BLMH: variants seen among roughly 807,000 people sequenced by gnomAD.
BLMH encodes the protein BLM hydrolase.
In BLMH, 32 loss-of-function variants were observed where a neutral mutation model predicts 61.6. That is an observed-to-expected ratio of 0.52 (90% CI 0.39 to 0.70). The LOEUF is 0.70. Ranked by LOEUF, BLMH falls within the 30% of genes least tolerant of loss-of-function variation. BLMH has a pLI of 0.00. For missense variants in BLMH, 460 were observed against 555.5 expected (o/e 0.83, Z 1.73); for synonymous variants, 183 against 193.8 (o/e 0.94, Z 0.46).
chr17:30,291,382 T>C lies in BLMH; in HGVS notation c.140A>G (p.Gln47Arg). 1 of 1,613,826 alleles carries C rather than the reference T, an allele frequency of 6.2e-7. No individual in the cohort carries two copies. Residue 47 changes from glutamine to arginine, a missense_variant, in exon 2 of 12, where the codon CAG (glutamine) becomes CGG (arginine). Physicochemically the swap from Gln to Arg is conservative, Grantham distance 43. Transcript: ENST00000261714. ...GTGCTGGAACACATGCTGCGCGCGC[T>C]GCACCGTGGCCCGCTTCAGACAGAT... The part of the protein sequence containing the change: ...LDICLKRATV[Q>R]RAQHVFQHAV...
chr17:30,263,505 A>G (rs1398067904), intron 11 of BLMH, among the ~76,000 whole-genome samples: 1 of 152,228 alleles, frequency 6.6e-6, no homozygotes, highest in Non-Finnish European at 1.5e-5. Flanking sequence ...GAGAAAAGAA[A>G]CCCAGGTTGG....
chr17:30,270,477 G>A (rs1162134462), intron 10 of BLMH, among the ~76,000 whole-genome samples: 2 of 149,786 alleles, frequency 1.3e-5, no homozygotes, highest in East Asian at 3.9e-4. Context: ...ACTCCTGCCT[G>A]GATGACAGAG....
At position 30,274,092 on chromosome 17, in the gene BLMH, AG is replaced by A; in HGVS notation, c.750del (p.Leu251TrpfsTer20). On this transcript the variant is annotated frameshift_variant, in exon 7 of 12. Coordinates refer to ENST00000261714, the MANE Select transcript of BLMH (RefSeq NM_000386.4). LOFTEE classifies it high-confidence loss of function. ...KNYQKIGPIT[P>X]LEFYREHVKP... Reference sequence around the variant, plus strand: ...TTGACATGTTCCCTGTAAAACTCCAAGGGTGTTATGGGGCCAATTTTCTGAT... The same window carrying A: ...TTGACATGTTCCCTGTAAAACTCCAAGGTGTTATGGGGCCAATTTTCTGAT... 1 of 1,614,138 alleles carries A rather than the reference AG, an allele frequency of 6.2e-7. No individual in the cohort carries two copies. Among genetic ancestry groups the A allele is most frequent in the Non-Finnish European group, 8.5e-7 (1 of 1,180,014 alleles).
Position 30,288,336 on chromosome 17 carries a change from A to C in BLMH, c.322-389T>G, listed in dbSNP as rs559742428. The stretch of plus-strand genomic sequence containing the variant: ...CAATGCTAAAACAAAACATTTAATG[A>C]ACACCTATGTAATATATATTTTATT... On this transcript the variant is annotated intron_variant, in intron 3 of 11. Coordinates refer to ENST00000261714, the MANE Select transcript of BLMH (RefSeq NM_000386.4). 6.6e-5 allele frequency among the ~76,000 whole-genome samples: 10 copies of C among 152,288 alleles called. No homozygotes were observed. In the South Asian group the frequency reaches 1.4e-3, roughly 22 times the overall value.
In BLMH at chr17:30,249,182, C is replaced by T. The variant is rs1174524889; in HGVS notation, c.1217-14G>A. 6.2e-7 allele frequency: 1 copy of T among 1,613,904 alleles called. No individual in the cohort carries two copies. The highest frequency in any genetic ancestry group is 1.1e-5 in the South Asian group (1 of 91,060). On this transcript the variant is annotated splice_polypyrimidine_tract_variant and intron_variant, in intron 11 of 11. Coordinates refer to ENST00000261714, the MANE Select transcript of BLMH (RefSeq NM_000386.4). Reference sequence around the variant, plus strand: ...TGCACAGGTAACCTGGAGAAAAGAACAGAAGACTTATGAGTCCAGAGGGCA... The same window carrying T: ...TGCACAGGTAACCTGGAGAAAAGAATAGAAGACTTATGAGTCCAGAGGGCA...
chr17:30,250,812 A>C (rs1907648993), intron 11 of BLMH, among the ~76,000 whole-genome samples: 1 of 152,250 alleles, frequency 6.6e-6, no homozygotes, highest in Non-Finnish European at 1.5e-5. Context: ...ATTCACAACT[A>C]CAAAAACATG....
rs1225224320 is a variant in BLMH at position 30,285,441 on chromosome 17, T to C, written c.592A>G (p.Ser198Gly). The C allele has an allele frequency of 6.2e-7, 1 of 1,613,174 alleles. No homozygotes were observed. Among genetic ancestry groups the C allele is most frequent in the South Asian group, 1.1e-5 (1 of 90,822 alleles). Residue 198 changes from serine (S) to glycine (G), a missense_variant, in exon 6 of 12, where the codon AGT becomes GGT. Physicochemically the swap from Ser to Gly is moderately conservative, Grantham distance 56 (BLOSUM62 0). Transcript: ENST00000261714. ...FCIRLRNLVH[S>G]GATKGEISAT... is the part of the protein sequence containing the mutation. ...GAGATTTCTCCTTTGGTTGCTCCAC[T>C]GTGTACCAGGTTCCGCAGTCGTATA... is the stretch of plus-strand genomic sequence containing the variant.
intron 11 of BLMH, chr17:30,250,281 A>T (rs1467729399): frequency 5.9e-5 from 9 of 152,252 alleles, no homozygotes; most frequent in African/African-American, 2.2e-4. Context: ...ATAGCAGTGT[A>T]AACAGACAAC....
intron 9 of BLMH, among the ~76,000 whole-genome samples, chr17:30,271,684 A>G (rs1908275005): frequency 6.6e-6 from 1 of 152,232 alleles, no homozygotes; most frequent in Non-Finnish European, 1.5e-5. Context: ...AACTTTAAAA[A>G]ATAATGAAAA....
intron 6 of BLMH, among the ~76,000 whole-genome samples, chr17:30,277,064 C>T (rs1159447581): frequency 1.3e-5 from 2 of 152,214 alleles, no homozygotes; most frequent in East Asian, 3.8e-4. Flanking sequence ...TCTATCTTAA[C>T]AGAAGCAAGT....
Position 30,272,620 on chromosome 17 carries a change from CCA to C in BLMH, c.967_968del (p.Trp323ValfsTer4). 1 of 1,614,146 alleles carries C rather than the reference CCA, an allele frequency of 6.2e-7. No homozygotes were observed. Among genetic ancestry groups the C allele is most frequent in the Non-Finnish European group, 8.5e-7 (1 of 1,180,034 alleles). On this transcript the variant is annotated frameshift_variant, in exon 9 of 12. Transcript: ENST00000261714. LOFTEE classifies it high-confidence loss of function. ...AGTGTTTTCCAACATCACAGCCAAA[CCA>C]CACAGCCTAGAAACAGAAGAAAGAG... is the stretch of plus-strand genomic sequence containing the variant. ...AASIKDGEAV[W>X]FGCDVGKHFN...
chr17:30,257,673 A>G (rs142827714), intron 11 of BLMH, among the ~76,000 whole-genome samples: 5 of 152,356 alleles, frequency 3.3e-5, no homozygotes, highest in South Asian at 2.1e-4. Context: ...AGGAGCTTAC[A>G]CTTCACAATG....
At chr17:30,269,868 A>C (rs1365744231) in intron 10 of BLMH, among the ~76,000 whole-genome samples, 1 of 152,242 alleles carries the variant, frequency 6.6e-6, no homozygotes, top group Non-Finnish European at 1.5e-5. Flanking sequence ...AAAACTGAGA[A>C]TACCTCAGAG....
At chr17:30,252,164 C>G (rs1024484628) in intron 11 of BLMH, 1 of 152,068 alleles carries the variant, frequency 6.6e-6, no homozygotes, top group African/African-American at 2.4e-5. Context: ...CTGAAAGGGC[C>G]CTAGGGAACC....
At position 30,272,803 on chromosome 17, in the gene BLMH, A is replaced by T; in HGVS notation, c.898T>A (p.Tyr300Asn). The change falls in exon 8 of 12, where the codon TAC becomes AAC. Residue 300 changes from tyrosine (Y) to asparagine (N), a missense_variant. This residue lies in a region of BLMH where 310 missense variants were observed against 371.1 expected (regional missense o/e 0.84). Coordinates refer to ENST00000261714, the MANE Select transcript of BLMH (RefSeq NM_000386.4). ...SNMVGGRKTL[Y>N]NNQPIDFLKK... Reference sequence around the variant, plus strand: ...AGGAAGTCAATGGGCTGGTTGTTGTATAGAGTTTTTCTCCCTCCAACCATA... The same window carrying T: ...AGGAAGTCAATGGGCTGGTTGTTGTTTAGAGTTTTTCTCCCTCCAACCATA... 1 of 1,614,204 alleles carries T rather than the reference A, an allele frequency of 6.2e-7. No individual in the cohort carries two copies. The highest frequency in any genetic ancestry group is 8.5e-7 in the Non-Finnish European group (1 of 1,180,038).
In BLMH at chr17:30,291,549, G is replaced by A. The variant is rs922906421; in HGVS notation, c.14-41C>T. On this transcript the variant is annotated intron_variant, in intron 1 of 11. Coordinates refer to ENST00000261714, the MANE Select transcript of BLMH (RefSeq NM_000386.4). ...ACAGGATTTTAACGCAAAAAGAGGG[G>A]GAAAGGGCTGATCTGGGGCTCCCGC... 3 of 1,604,752 alleles carry A rather than the reference G, an allele frequency of 1.9e-6. No individual in the cohort carries two copies. In the Admixed American group the frequency reaches 5.0e-5, roughly 27 times the overall value.
Position 30,271,346 on chromosome 17 carries a change from C to T in BLMH, c.1071G>A (p.Met357Ile). ...CAAAAGTCAGCCTCTCCGCTTTATTCATGTTCTTCAAGGAGACACCAAACA... is the reference window on the plus strand; with the variant it reads ...CAAAAGTCAGCCTCTCCGCTTTATTTATGTTCTTCAAGGAGACACCAAACA... The part of the protein sequence containing the change: ...ELVFGVSLKN[M>I]NKAERLTFGE... The change falls in exon 10 of 12, where the codon ATG becomes ATA. Residue 357 changes from methionine (M) to isoleucine (I), a missense_variant. Around this residue, in one of 5 missense-constraint regions of BLMH, gnomAD observed 310 missense variants for 371.1 expected, o/e 0.84. Transcript: ENST00000261714. The T allele has an allele frequency of 6.2e-7, 1 of 1,614,102 alleles. No individual in the cohort carries two copies. The highest frequency in any genetic ancestry group is 8.5e-7 in the Non-Finnish European group (1 of 1,180,002).
chr17:30,258,706 A>G (rs1907880633), intron 11 of BLMH, among the ~76,000 whole-genome samples: 3 of 152,332 alleles, frequency 2.0e-5, no homozygotes, highest in Non-Finnish European at 2.9e-5. Flanking sequence ...ACAGCTCTCC[A>G]GGATCTCTGA....
chr17:30,287,052 T>A (rs767776764), intron 4 of BLMH, 150 bp from the exon 5 acceptor site: 2 of 613,578 alleles, frequency 3.3e-6, no homozygotes, highest in African/African-American at 3.7e-5. Flanking sequence ...TTTTGTTTTT[T>A]GTTTTTTGTT....
Sources: allele counts gnomAD v4.1 joint callset (sites outside exome capture counted in the v4.1 genomes callset), GRCh38; gene constraint gnomAD v4.1.1; regional missense constraint gnomAD v4.1.1; transcripts MANE v1.5; gene names NCBI Gene and HGNC (gene_info 2026-07-23, HGNC 2026-07-21).